Variants in PODXL2 observed in about 807,000 individuals in gnomAD.
PODXL2 encodes podocalyxin-like protein 2.
PODXL2 carries 17 observed loss-of-function variants against 53.4 expected under a neutral mutation model. That is an observed-to-expected ratio of 0.32 (90% CI 0.22 to 0.48). PODXL2 has a LOEUF of 0.48. PODXL2 is among the 20% of genes least tolerant of loss of function. The probability of loss-of-function intolerance (pLI) is 0.99; values close to 1 mark genes in which losing one functional copy is unlikely to be tolerated. For synonymous variants in PODXL2, 311 were observed against 306.7 expected (o/e 1.01, Z -0.15); for missense variants, 673 against 760.0 (o/e 0.89, Z 1.35).
rs2074525444 is a variant in PODXL2, at chr3:127,629,299, C to T, written c.70+10C>T. On this transcript the variant is annotated intron_variant, in intron 1 of 7. Coordinates refer to ENST00000342480, the MANE Select transcript of PODXL2 (RefSeq NM_015720.4). This position sits in a 1 kb window ranked among gnomAD's most constrained non-coding sequence, Gnocchi z 6.4. ...CTTCTGCTGGTTGGGGGTGAGTGCG[C>T]TCCGGGCCCGAGCGCGGGAGGGCGG... The T allele has an allele frequency of 7.9e-6, 8 of 1,019,090 alleles. No individual in the cohort carries two copies. In the South Asian group the frequency reaches 1.3e-4, roughly 17 times the overall value. The allele number at this position is 1,019,090 out of a possible 1,614,324, so 63.1% of individuals were successfully genotyped here. A position where few individuals can be genotyped will look rare whatever the true frequency, so the allele number is the denominator to read the frequency against.
intron 3 of PODXL2, 92 bp downstream of exon 3, chr3:127,661,251 C>A: frequency 4.0e-6 from 4 of 988,752 alleles, no homozygotes; most frequent in Non-Finnish European, 6.0e-6. Flanking sequence ...GCAGGATCTG[C>A]CAGGTTGAGG....
chr3:127,660,256 A>G (rs2074756326), intron 2 of PODXL2, 122 bp from the exon 3 acceptor site: 1 of 1,284,118 alleles, frequency 7.8e-7, no homozygotes, highest in East Asian at 2.4e-5. Context: ...CCTCTCCATC[A>G]TGACCTGATG....
chr3:127,669,703 G>C (rs1361949603), intron 6 of PODXL2, among the ~76,000 whole-genome samples: 1 of 152,236 alleles, frequency 6.6e-6, no homozygotes, highest in African/African-American at 2.4e-5. Flanking sequence ...GCTGCGGTGA[G>C]ATGCGGCGCC....
chr3:127,660,673 A>G lies in PODXL2; in HGVS notation c.645A>G (p.Pro215=). The G allele has an allele frequency of 6.2e-7, 1 of 1,614,198 alleles. No individual in the cohort carries two copies. The highest frequency in any genetic ancestry group is 8.5e-7 in the Non-Finnish European group (1 of 1,180,040). Residue 215 remains proline (P), a synonymous_variant, in exon 3 of 8, where the codon CCA becomes CCG. Transcript: ENST00000342480. ...CTCTCACCAGCAGCAGCCAGACCCC[A>G]GGGGCCACCAAAAGCAGGCATGAAG... ...DFSLTSSSQT[P]GATKSRHEDS... is the part of the protein sequence containing the mutation.
intron 4 of PODXL2, 152 bp from the exon 5 acceptor site, chr3:127,668,289 C>A: frequency 1.7e-6 from 1 of 587,600 alleles, no homozygotes; most frequent in Non-Finnish European, 2.6e-6. Context: ...CCCTGGCTTG[C>A]AGCTCTCAGA....
At chr3:127,655,433 CAAT>C (rs764055743) in intron 2 of PODXL2, among the ~76,000 whole-genome samples, 1 of 152,076 alleles carries the variant, frequency 6.6e-6, no homozygotes, top group Non-Finnish European at 1.5e-5. Flanking sequence ...ATAACAACAA[CAAT>C]AATAATAGCA....
rs9849173 is a variant in PODXL2 at position 127,662,216 on chromosome 3, T to G, written c.1132-21T>G. The G allele has an allele frequency of 7.5e-3, 12,111 of 1,609,972 alleles. 465 individuals carry two copies. In the African/African-American group the frequency reaches 0.09, roughly 12 times the overall value. Reference sequence around the variant, plus strand: ...CCTATGCCTTCGTAACTGTCGCCCTTCTTTCTGTCTCCTCGCACAGGTGAT... The same window carrying G: ...CCTATGCCTTCGTAACTGTCGCCCTGCTTTCTGTCTCCTCGCACAGGTGAT... On this transcript the variant is annotated intron_variant, in intron 3 of 7. Coordinates refer to ENST00000342480, the MANE Select transcript of PODXL2 (RefSeq NM_015720.4).
chr3:127,650,240 T>G (rs1378755692), intron 2 of PODXL2, among the ~76,000 whole-genome samples: 1 of 152,146 alleles, frequency 6.6e-6, no homozygotes, highest in East Asian at 1.9e-4. Flanking sequence ...CCCTGAGAGA[T>G]AGAAGTAAAG....
chr3:127,646,303 A>G (rs550725242), intron 2 of PODXL2, among the ~76,000 whole-genome samples: 2 of 152,176 alleles, frequency 1.3e-5, no homozygotes, highest in Non-Finnish European at 2.9e-5. Flanking sequence ...CTGCCCTGTC[A>G]TGTCACCTCT....
At chr3:127,642,702 G>T in intron 2 of PODXL2, among the ~76,000 whole-genome samples, 1 of 152,184 alleles carries the variant, frequency 6.6e-6, no homozygotes. Flanking sequence ...CAAAACATAT[G>T]TGTACGTTCA....
At chr3:127,662,173 T>A (rs1205232964) in intron 3 of PODXL2, 64 bp from the exon 4 acceptor site, 5 of 1,426,330 alleles carry the variant, frequency 3.5e-6, no homozygotes, top group Non-Finnish European at 4.9e-6. Context: ...CGACCGGGGC[T>A]CTCTCCCCTG....
At chr3:127,655,982 C>G (rs1022107447) in intron 2 of PODXL2, among the ~76,000 whole-genome samples, 1 of 152,240 alleles carries the variant, frequency 6.6e-6, no homozygotes, top group Admixed American at 6.5e-5. Flanking sequence ...GGGAGGGCCT[C>G]TTACCCCTTG....
At chr3:127,669,621 G>A (rs2074817750) in intron 6 of PODXL2, among the ~76,000 whole-genome samples, 1 of 152,204 alleles carries the variant, frequency 6.6e-6, no homozygotes. Flanking sequence ...GCAAGCCTGG[G>A]AGACCTGGAC....
intron 5 of PODXL2, among the ~76,000 whole-genome samples, chr3:127,668,863 A>G (rs1217885654): frequency 2.0e-5 from 3 of 152,202 alleles, no homozygotes; most frequent in Non-Finnish European, 4.4e-5. Context: ...TGGACACTGT[A>G]CCTGGTGTGG....
rs141085761 is a variant in PODXL2, at chr3:127,643,567, A to G, written c.349+4044A>G. Among the ~76,000 whole-genome samples, 744 of 151,998 alleles carry G rather than the reference A, an allele frequency of 4.9e-3. 3 individuals carry two copies. The highest frequency in any genetic ancestry group is 9.0e-3 in the Non-Finnish European group (613 of 67,950). ...TTTCTTTACTTTATGATTAGAAAAT[A>G]CTTTCTGCCCTTGAGATACATGCAC... On this transcript the variant is annotated intron_variant, in intron 2 of 7. Coordinates refer to ENST00000342480, the MANE Select transcript of PODXL2 (RefSeq NM_015720.4).
intron 2 of PODXL2, among the ~76,000 whole-genome samples, chr3:127,649,138 TG>T (rs2074673898): frequency 6.6e-6 from 1 of 152,096 alleles, no homozygotes; most frequent in Non-Finnish European, 1.5e-5. Flanking sequence ...TATAAAAATA[TG>T]CTTTTACAAA....
intron 6 of PODXL2, among the ~76,000 whole-genome samples, chr3:127,671,075 G>GTTAGGATAGGTGTGGGCAC (rs1472700935): frequency 1.3e-5 from 2 of 152,200 alleles, no homozygotes; most frequent in Non-Finnish European, 2.9e-5. Context: ...TCTCTAACTA[G>GTTAGGATAGGTGTGGGCAC]TTAGGATAGG....
At chr3:127,651,645 G>A (rs1263194258) in intron 2 of PODXL2, among the ~76,000 whole-genome samples, 1 of 152,224 alleles carries the variant, frequency 6.6e-6, no homozygotes, top group Non-Finnish European at 1.5e-5. Context: ...GCCTCGTCAG[G>A]TAGCCTCCTG....
Position 127,629,839 on chromosome 3 carries a change from C to G in PODXL2, c.70+550C>G, listed in dbSNP as rs72965766. 2.4e-3 allele frequency among the ~76,000 whole-genome samples: 366 copies of G among 152,194 alleles called. 2 individuals carry two copies. Among genetic ancestry groups the G allele is most frequent in the African/African-American group, 8.5e-3 (352 of 41,508 alleles). On this transcript the variant is annotated intron_variant, in intron 1 of 7. Transcript: ENST00000342480. This position sits in a 1 kb window ranked among gnomAD's most constrained non-coding sequence, Gnocchi z 6.4. ...GTGTCACGGTGAATGGGTATTCTCTCCTGTTCTGGGCGACTCTATTAGGAG... is the reference window on the plus strand; with the variant it reads ...GTGTCACGGTGAATGGGTATTCTCTGCTGTTCTGGGCGACTCTATTAGGAG...
Sources: gnomAD v4.1 joint callset for allele counts (sites outside exome capture counted in the v4.1 genomes callset) on GRCh38, gnomAD v4.1.1 for gene constraint, Gnocchi (gnomAD v3.1) non-coding constraint, MANE v1.5 for transcripts, NCBI Gene and HGNC (gene_info 2026-07-23, HGNC 2026-07-21) for gene names.